Variants in TAFA5 observed in about 807,000 individuals in gnomAD.
TAFA5 encodes the protein chemokine-like protein TAFA-5.
A neutral mutation model predicts 15.3 loss-of-function variants in TAFA5; 6 were observed. That is an observed-to-expected ratio of 0.39 (90% CI 0.21 to 0.77). TAFA5 has a LOEUF of 0.77. Among genes scored for constraint, TAFA5 ranks in the 30% least tolerant of loss-of-function variants. The pLI, the probability that TAFA5 is intolerant of heterozygous loss-of-function variation, is 0.41. For synonymous variants in TAFA5, 103 were observed against 80.7 expected, an observed-to-expected ratio of 1.28 and a Z score of -1.48; for missense variants, 161 against 193.1, an observed-to-expected ratio of 0.83 and a Z score of 0.98.
rs183566375 is a variant in TAFA5, at chr22:48,687,449, G to T, written c.263-20268G>T. 2.3e-3 allele frequency among the ~76,000 whole-genome samples: 342 copies of T among 150,944 alleles called. 2 individuals carry two copies. The highest frequency in any genetic ancestry group is 3.8e-3 in the Non-Finnish European group (258 of 67,710). ...AGATGGATGGATTGGTGGCAGGGGT[G>T]GGGGGGCATCTGTGGATGGGTGGAT... On this transcript the variant is annotated intron_variant, in intron 2 of 3. Transcript: ENST00000402357.
chr22:48,576,315 A>C (rs1393926236), intron 1 of TAFA5: 2 of 1,188,848 alleles, frequency 1.7e-6, no homozygotes, highest in Non-Finnish European at 2.1e-6. Context: ...GAAAGACACA[A>C]ATCGCCTCCC....
chr22:48,534,935 G>A (rs1256274844), intron 1 of TAFA5, among the ~76,000 whole-genome samples: 1 of 152,160 alleles, frequency 6.6e-6, no homozygotes, highest in Non-Finnish European at 1.5e-5. Flanking sequence ...CCTCAGCACA[G>A]ACGCCTTAGC....
chr22:48,555,584 G>C (rs1479743177), intron 1 of TAFA5, among the ~76,000 whole-genome samples: 3 of 152,190 alleles, frequency 2.0e-5, no homozygotes, highest in Non-Finnish European at 4.4e-5. Context: ...ACAAAAATCC[G>C]CAAACCCACT....
At chr22:48,666,514 T>TACTGAGGCCCGTGACCAGGTGA (rs1555897556) in intron 2 of TAFA5, among the ~76,000 whole-genome samples, 1 of 148,458 alleles carries the variant, frequency 6.7e-6, no homozygotes, top group Admixed American at 6.7e-5. Context: ...TGACCAGGCG[T>TACTGAGGCCCGTGACCAGGTGA]TACTGAGGCC....
chr22:48,686,318 G>A (rs76873226), intron 2 of TAFA5, among the ~76,000 whole-genome samples: 152 of 152,312 alleles, frequency 1.0e-3, no homozygotes, highest in African/African-American at 3.5e-3. Flanking sequence ...GGAAATCTAC[G>A]ATCATGGTGC....
At chr22:48,513,301 TC>T (rs1921290576) in intron 1 of TAFA5, among the ~76,000 whole-genome samples, 1 of 152,242 alleles carries the variant, frequency 6.6e-6, no homozygotes, top group South Asian at 2.1e-4. Context: ...GACTGTGTTT[TC>T]TTGTAACATC....
intron 3 of TAFA5, among the ~76,000 whole-genome samples, chr22:48,725,902 A>G (rs1293239233): frequency 6.6e-6 from 1 of 152,172 alleles, no homozygotes; most frequent in African/African-American, 2.4e-5. Context: ...TTGGAAAGAA[A>G]GTTACTCGAG....
intron 2 of TAFA5, among the ~76,000 whole-genome samples, chr22:48,649,234 C>G (rs1177796599): frequency 6.6e-6 from 1 of 152,204 alleles, no homozygotes; most frequent in Non-Finnish European, 1.5e-5. Flanking sequence ...GGTGGGATAC[C>G]CAGGAAGAAC....
chr22:48,691,475 C>T (rs535551403), intron 2 of TAFA5, among the ~76,000 whole-genome samples: 6 of 152,218 alleles, frequency 3.9e-5, no homozygotes, highest in Non-Finnish European at 7.3e-5. Context: ...GCACCAGGAC[C>T]GCAGGTGAGG....
chr22:48,638,507 A>T (rs1304115720), intron 1 of TAFA5, among the ~76,000 whole-genome samples: 2 of 128,840 alleles, frequency 1.6e-5, no homozygotes, highest in Non-Finnish European at 3.3e-5. Context: ...GCCCTGGGAC[A>T]CCACACACAG....
intron 1 of TAFA5, among the ~76,000 whole-genome samples, chr22:48,610,695 G>A (rs1925371707): frequency 1.3e-5 from 2 of 152,228 alleles, no homozygotes; most frequent in African/African-American, 4.8e-5. Context: ...TGGGGCTGAG[G>A]CTGGGGCTTG....
intron 1 of TAFA5, among the ~76,000 whole-genome samples, chr22:48,608,426 T>C (rs1233793987): frequency 6.6e-6 from 1 of 152,028 alleles, no homozygotes; most frequent in African/African-American, 2.4e-5. Context: ...CGTGATACTG[T>C]TGGTTTTTTT....
chr22:48,662,791 C>A (rs1379360072), intron 2 of TAFA5, among the ~76,000 whole-genome samples: 2 of 152,218 alleles, frequency 1.3e-5, no homozygotes, highest in Non-Finnish European at 2.9e-5. Flanking sequence ...GGGCCCTAGG[C>A]GATGGGCACC....
chr22:48,623,977 A>G (rs552070181), intron 1 of TAFA5, among the ~76,000 whole-genome samples: 1 of 152,274 alleles, frequency 6.6e-6, no homozygotes, highest in South Asian at 2.1e-4. Context: ...TGAAGTTTTT[A>G]TGGTATCCAG....
chr22:48,744,238 G>A (rs1429850981), intron 3 of TAFA5, among the ~76,000 whole-genome samples: 1 of 152,196 alleles, frequency 6.6e-6, no homozygotes, highest in African/African-American at 2.4e-5. Flanking sequence ...AGGAGACCGA[G>A]GGGAGCTCTG....
intron 2 of TAFA5, among the ~76,000 whole-genome samples, chr22:48,651,377 T>C (rs1243684101): frequency 1.3e-5 from 2 of 152,074 alleles, no homozygotes; most frequent in Non-Finnish European, 2.9e-5. Flanking sequence ...GACTGCCAGG[T>C]CTGGGGAGGC....
At chr22:48,651,555 G>C (rs558911974) in intron 2 of TAFA5, among the ~76,000 whole-genome samples, 1 of 152,310 alleles carries the variant, frequency 6.6e-6, no homozygotes, top group East Asian at 1.9e-4. Flanking sequence ...ATGGTGGCCA[G>C]AGTCTTTGCT....
At chr22:48,503,740 A>C (rs1244857523) in intron 1 of TAFA5, among the ~76,000 whole-genome samples, 4 of 152,270 alleles carry the variant, frequency 2.6e-5, no homozygotes, top group Admixed American at 6.5e-5. Flanking sequence ...GATGAAAAAG[A>C]AAGTGTTTTC....
chr22:48,671,783 G>A (rs959907809), intron 2 of TAFA5, among the ~76,000 whole-genome samples: 7 of 152,180 alleles, frequency 4.6e-5, no homozygotes, highest in African/African-American at 1.4e-4. Context: ...CCTGTCCCTG[G>A]AGAGTCTCTC....
Sources: gnomAD v4.1 joint callset for allele counts (sites outside exome capture counted in the v4.1 genomes callset) on GRCh38, gnomAD v4.1.1 for gene constraint, MANE v1.5 for transcripts, NCBI Gene and HGNC (gene_info 2026-07-23, HGNC 2026-07-21) for gene names.